Variants in PPIP5K2 observed in about 807,000 individuals in gnomAD.
PPIP5K2 encodes diphosphoinositol pentakisphosphate kinase 2.
A neutral mutation model predicts 154.6 loss-of-function variants in PPIP5K2; 105 were observed. The observed-to-expected ratio is 0.68, with a 90% CI of 0.58 to 0.80. The LOEUF (loss-of-function observed/expected upper bound fraction) is 0.80. PPIP5K2 is among the 30% of genes least tolerant of loss of function. The pLI, the probability that PPIP5K2 is intolerant of heterozygous loss-of-function variation, is 0.00. For synonymous variants in PPIP5K2, 480 were observed against 490.3 expected (o/e 0.98, Z 0.28); for missense variants, 992 against 1,504.6 (o/e 0.66, Z 5.64).
chr5:103,157,542 C>A (rs1378252565), intron 14 of PPIP5K2, among the ~76,000 whole-genome samples: 1 of 151,998 alleles, frequency 6.6e-6, no homozygotes, highest in Non-Finnish European at 1.5e-5. Context: ...CTTTAGGAGG[C>A]CGAGGTGGGT....
At chr5:103,156,141 C>A (rs534887725) in intron 14 of PPIP5K2, 147 bp downstream of exon 14, 140 of 558,186 alleles carry the variant, frequency 2.5e-4, no homozygotes, top group Non-Finnish European at 4.0e-4. Context: ...GCTGTGCTTC[C>A]TTTTCTTTAA....
At chr5:103,163,061 AC>A (rs5870046) in intron 17 of PPIP5K2, among the ~76,000 whole-genome samples, 137,379 of 137,470 alleles carry the variant, frequency 1, 68,644 homozygotes, top group Middle Eastern at 1. Flanking sequence ...ACCTCCCAAC[AC>A]CCCAAATGGA....
At position 103,131,920 on chromosome 5, in the gene PPIP5K2, A is replaced by T. The variant is rs535086110; in HGVS notation, c.115-1533A>T. Among the ~76,000 whole-genome samples, 6 of 152,316 alleles carry T rather than the reference A, an allele frequency of 3.9e-5. No homozygotes were observed. The South Asian group carries it at 1.2e-3, about 32-fold the overall frequency. ...CATTCATCTTAGCCAGTGAGCAGAT[A>T]TTCATTAAATAGATTTATAATAAAT... On this transcript the variant is annotated intron_variant, in intron 2 of 30. Coordinates refer to ENST00000358359, the MANE Select transcript of PPIP5K2 (RefSeq NM_001276277.3).
chr5:103,170,307 T>G (rs1438274108), intron 19 of PPIP5K2, among the ~76,000 whole-genome samples: 1 of 151,650 alleles, frequency 6.6e-6, no homozygotes, highest in Non-Finnish European at 1.5e-5. Context: ...ACCATTTGTA[T>G]CTATCAAAGT....
chr5:103,195,176 C>A, intron 30 of PPIP5K2, 151 bp downstream of exon 30: 1 of 960,816 alleles, frequency 1.0e-6, no homozygotes, highest in Non-Finnish European at 1.5e-6. Flanking sequence ...TTATTGTAGT[C>A]AATTGATATA....
At chr5:103,125,700 C>G (rs912465443) in intron 1 of PPIP5K2, among the ~76,000 whole-genome samples, 4 of 152,098 alleles carry the variant, frequency 2.6e-5, no homozygotes, top group African/African-American at 9.7e-5. Context: ...GTGGTGCAAT[C>G]CCGGCTTACT....
At chr5:103,199,328 C>G (rs1298332122) in intron 30 of PPIP5K2, among the ~76,000 whole-genome samples, 2 of 152,088 alleles carry the variant, frequency 1.3e-5, no homozygotes, top group African/African-American at 4.8e-5. Flanking sequence ...ATCTGCAGGT[C>G]TGTTGGCAAC....
intron 29 of PPIP5K2, among the ~76,000 whole-genome samples, chr5:103,192,223 C>G (rs1381960321): frequency 6.6e-6 from 1 of 151,982 alleles, no homozygotes; most frequent in African/African-American, 2.4e-5. Flanking sequence ...GGAAGTAGGT[C>G]TTAACTTAAA....
rs1554205198 is a variant in PPIP5K2 at position 103,138,409 on chromosome 5, G to A, written c.427G>A (p.Ala143Thr). Residue 143 changes from alanine (A) to threonine (T), a missense_variant, in exon 5 of 31, where the codon GCT becomes ACT. By Grantham distance (58) the Ala-to-Thr change is moderately conservative (BLOSUM62 0). Transcript: ENST00000358359. ...GAGAGAAGTATATAGTATTCTTCAAGCTGAAGGTATTTTACTTCCTCGTTA... is the reference window on the plus strand; with the variant it reads ...GAGAGAAGTATATAGTATTCTTCAAACTGAAGGTATTTTACTTCCTCGTTA... ...DRREVYSILQ[A>T]EGILLPRYAI... is the part of the protein sequence containing the mutation. 6.2e-7 allele frequency: 1 copy of A among 1,601,406 alleles called. No homozygotes were observed. The highest frequency in any genetic ancestry group is 8.5e-7 in the Non-Finnish European group (1 of 1,169,994).
At chr5:103,155,855 T>G in intron 13 of PPIP5K2, 54 bp from the exon 14 acceptor site, 89 of 1,132,612 alleles carry the variant, frequency 7.9e-5, no homozygotes, top group Non-Finnish European at 1.1e-4. Context: ...CATGAATATG[T>G]GAGAATTAGT....
At chr5:103,131,614 A>G (rs1312096354) in intron 2 of PPIP5K2, among the ~76,000 whole-genome samples, 1 of 152,154 alleles carries the variant, frequency 6.6e-6, no homozygotes, top group Non-Finnish European at 1.5e-5. Flanking sequence ...ATGATGCACT[A>G]TTATCACTTT....
intron 28 of PPIP5K2, among the ~76,000 whole-genome samples, chr5:103,188,410 C>T (rs1562497788): frequency 6.6e-6 from 1 of 152,212 alleles, no homozygotes. Flanking sequence ...TGGTCATTCT[C>T]CCCCTTCTGG....
chr5:103,143,682 C>G (rs918257217), intron 5 of PPIP5K2, among the ~76,000 whole-genome samples: 8 of 152,144 alleles, frequency 5.3e-5, no homozygotes, highest in African/African-American at 1.9e-4. Context: ...TCTATACTCT[C>G]TACATATGAT....
chr5:103,192,944 T>A (rs1452442247), intron 29 of PPIP5K2, among the ~76,000 whole-genome samples: 1 of 152,162 alleles, frequency 6.6e-6, no homozygotes, highest in African/African-American at 2.4e-5. Context: ...TCTAGTTCAT[T>A]GGTCTTCAAA....
chr5:103,189,057 C>A, intron 28 of PPIP5K2: 1 of 717,826 alleles, frequency 1.4e-6, no homozygotes. Flanking sequence ...TTATTTCCAT[C>A]TTTAACACAT....
At chr5:103,123,777 A>G (rs1415476129) in intron 1 of PPIP5K2, among the ~76,000 whole-genome samples, 1 of 152,216 alleles carries the variant, frequency 6.6e-6, no homozygotes, top group Non-Finnish European at 1.5e-5. Context: ...TCTAAAAATA[A>G]AGTAAGGTTC....
rs1464198441 is a variant in PPIP5K2, at chr5:103,209,121, T to TATA, written c.*7489_*7491dup. The TATA allele has an allele frequency of 6.6e-6, 1 of 152,206 alleles. No homozygotes were observed. The highest frequency in any genetic ancestry group is 2.4e-5 in the African/African-American group (1 of 41,462). 9.4% of individuals were successfully genotyped at this position (152,206 alleles called of 1,614,324 possible). ...TCAAATGAAATAATATTTGGTAAAC[T>TATA]ATAAAGTGAAGACCAAATTTGAAGG... On this transcript the variant is annotated 3_prime_UTR_variant, in exon 31 of 31. Coordinates refer to ENST00000358359, the MANE Select transcript of PPIP5K2 (RefSeq NM_001276277.3).
rs1423129182 is a variant in PPIP5K2, at chr5:103,207,039, T to G, written c.*5405T>G. Reference sequence around the variant, plus strand: ...GCCCCCTGATAAGGAAGACTCAGCATGGAGGTACCTGGTCTAGGAATGCAG... The same window carrying G: ...GCCCCCTGATAAGGAAGACTCAGCAGGGAGGTACCTGGTCTAGGAATGCAG... On this transcript the variant is annotated 3_prime_UTR_variant, in exon 31 of 31. Coordinates refer to ENST00000358359, the MANE Select transcript of PPIP5K2 (RefSeq NM_001276277.3). 3 of 152,268 alleles carry G rather than the reference T, an allele frequency of 2.0e-5. No individual in the cohort carries two copies. Among genetic ancestry groups the G allele is most frequent in the African/African-American group, 7.2e-5 (3 of 41,444 alleles). 9.4% of individuals were successfully genotyped at this position (152,268 alleles called of 1,614,324 possible).
chr5:103,133,297 A>C lies in PPIP5K2; in HGVS notation c.115-156A>C, dbSNP rs114952042. ...AACTGTTTTTTAAATGTTTATTATAACAATGATATAATTTTTAAAAATTCC... is the reference window on the plus strand; with the variant it reads ...AACTGTTTTTTAAATGTTTATTATACCAATGATATAATTTTTAAAAATTCC... On this transcript the variant is annotated intron_variant, in intron 2 of 30. Transcript: ENST00000358359. Among the ~76,000 whole-genome samples, 585 of 152,314 alleles carry C rather than the reference A, an allele frequency of 3.8e-3. 2 individuals are homozygous for C. The highest frequency in any genetic ancestry group is 0.013 in the African/African-American group (550 of 41,570).
Sources: gnomAD v4.1 joint callset for allele counts (sites outside exome capture counted in the v4.1 genomes callset) on GRCh38, gnomAD v4.1.1 for gene constraint, MANE v1.5 for transcripts, NCBI Gene and HGNC (gene_info 2026-07-23, HGNC 2026-07-21) for gene names.